The following TBK1 variants were observed in gnomAD, a reference collection of about 807,000 sequenced individuals.
TBK1 encodes TANK binding kinase 1, also known as serine/threonine-protein kinase TBK1.
TBK1 carries 37 observed loss-of-function variants against 99.9 expected under a neutral mutation model. That is an observed-to-expected ratio of 0.37 (90% CI 0.28 to 0.49). The LOEUF (loss-of-function observed/expected upper bound fraction) is 0.49. Ranked by LOEUF, TBK1 falls within the 20% of genes least tolerant of loss-of-function variation. The pLI, the probability that TBK1 is intolerant of heterozygous loss-of-function variation, is 0.98. For missense variants in TBK1, 644 were observed against 872.5 expected, an observed-to-expected ratio of 0.74 and a Z score of 3.30; for synonymous variants, 258 against 279.8, an observed-to-expected ratio of 0.92 and a Z score of 0.78.
rs1181070005 is a variant in TBK1 at position 64,498,101 on chromosome 12, C to T, written c.2138+62C>T. ...GCAATTGAGTTCATTCACATCTGTA[C>T]TTATATCTTCCTGTATCAATAGATT... is the stretch of plus-strand genomic sequence containing the variant. On this transcript the variant is annotated intron_variant, in intron 20 of 20. Transcript: ENST00000331710. 13 of 1,341,940 alleles carry T rather than the reference C, an allele frequency of 9.7e-6. No homozygotes were observed. The Admixed American group carries it at 2.7e-4, about 27-fold the overall frequency. 83.1% of individuals were successfully genotyped at this position (1,341,940 alleles called of 1,614,324 possible).
At chr12:64,467,635 T>C (rs1489155948) in intron 5 of TBK1, among the ~76,000 whole-genome samples, 1 of 152,218 alleles carries the variant, frequency 6.6e-6, no homozygotes, top group Non-Finnish European at 1.5e-5. Flanking sequence ...TAAATACTTT[T>C]AACATGTAAT....
chr12:64,469,411 G>A (rs79136929), intron 5 of TBK1, among the ~76,000 whole-genome samples: 3,627 of 152,020 alleles, frequency 0.024, 62 homozygotes, highest in Non-Finnish European at 0.036. Context: ...TTGTGCTTTT[G>A]CTATTATCCT....
At chr12:64,455,054 T>C (rs535581000) in intron 1 of TBK1, among the ~76,000 whole-genome samples, 1 of 151,018 alleles carries the variant, frequency 6.6e-6, no homozygotes, top group East Asian at 1.9e-4. Flanking sequence ...GTGGCACGAT[T>C]TCAGCTCACT....
At chr12:64,495,946 ATCCTT>A in intron 15 of TBK1, 171 bp downstream of exon 15, 1 of 553,820 alleles carries the variant, frequency 1.8e-6, no homozygotes, top group Non-Finnish European at 3.1e-6. Context: ...AAAAAAAACT[ATCCTT>A]AAAATCAACC....
At chr12:64,483,132 A>T (rs925913886) in intron 8 of TBK1, among the ~76,000 whole-genome samples, 15 of 152,226 alleles carry the variant, frequency 9.9e-5, no homozygotes, top group Non-Finnish European at 1.9e-4. Flanking sequence ...TGTACATTTT[A>T]AAATAGCTAA....
In TBK1 at chr12:64,501,689, TA is replaced by T. The variant is rs1174899961; in HGVS notation, c.*309del. 8.5e-6 allele frequency: 2 copies of T among 235,076 alleles called. No individual in the cohort carries two copies. Among genetic ancestry groups the T allele is most frequent in the African/African-American group, 2.3e-5 (1 of 43,874 alleles). The allele number at this position is 235,076 out of a possible 1,614,324, so 14.6% of individuals were successfully genotyped here. A position where few individuals can be genotyped will look rare whatever the true frequency, so the allele number is the denominator to read the frequency against. ...CTACTCTGAGTGGGGCTAAATAAGT[TA>T]TTTTCTCTGACCGCCTACTGGAAAT... On this transcript the variant is annotated 3_prime_UTR_variant, in exon 21 of 21. Transcript: ENST00000331710.
intron 1 of TBK1, among the ~76,000 whole-genome samples, chr12:64,454,610 A>T (rs1253916685): frequency 6.7e-6 from 1 of 150,338 alleles, no homozygotes; most frequent in South Asian, 2.1e-4. Flanking sequence ...GTCATTGGTT[A>T]ATGTTTTTTT....
intron 8 of TBK1, 29 bp downstream of exon 8, chr12:64,482,050 A>G: frequency 7.1e-7 from 1 of 1,401,592 alleles, no homozygotes; most frequent in Non-Finnish European, 9.5e-7. Context: ...TTCTTGTATC[A>G]ACATGTTCTG....
rs931538116 is a variant in TBK1 at position 64,481,749 on chromosome 12, G to A, written c.813-93G>A. On this transcript the variant is annotated intron_variant, in intron 7 of 20. Coordinates refer to ENST00000331710, the MANE Select transcript of TBK1 (RefSeq NM_013254.4). ...TTAATCTAATATAGTAATAATGACA[G>A]TTCCTTTGATTTGCTGGTAAATACT... 7.7e-6 allele frequency: 7 copies of A among 908,132 alleles called. No homozygotes were observed. In the African/African-American group the frequency reaches 1.2e-4, roughly 16 times the overall value. The allele number at this position is 908,132 out of a possible 1,614,324, so 56.3% of individuals were successfully genotyped here.
intron 13 of TBK1, among the ~76,000 whole-genome samples, chr12:64,490,780 C>T (rs147148595): frequency 2.6e-4 from 39 of 151,546 alleles, no homozygotes; most frequent in Non-Finnish European, 4.0e-4. Context: ...TCATTAGCTG[C>T]GTGTGGTGGT....
At chr12:64,485,387 C>G (rs2040809623) in intron 9 of TBK1, 68 bp from the exon 10 acceptor site, 1 of 698,502 alleles carries the variant, frequency 1.4e-6, no homozygotes, top group East Asian at 3.1e-5. Context: ...ATTGTGTTTG[C>G]TCTATAAAGG....
intron 2 of TBK1, among the ~76,000 whole-genome samples, chr12:64,459,731 A>G (rs909407231): frequency 5.3e-5 from 8 of 152,210 alleles, no homozygotes; most frequent in Non-Finnish European, 8.8e-5. Context: ...TTACTTTGAT[A>G]TTCTTAATAA....
intron 1 of TBK1, 46 bp from the exon 2 acceptor site, chr12:64,455,792 CTG>C (rs2040480642): frequency 3.2e-6 from 3 of 924,148 alleles, no homozygotes; most frequent in African/African-American, 1.7e-5. Flanking sequence ...TGTTTCTTAG[CTG>C]TGTTACTCCC....
chr12:64,496,548 A>G (rs1216647525), intron 16 of TBK1, 142 bp downstream of exon 16: 2 of 509,846 alleles, frequency 3.9e-6, no homozygotes, highest in East Asian at 8.0e-5. Flanking sequence ...TACAATATGT[A>G]GACATTTTTG....
chr12:64,460,784 AGATCGCACCACTGCACTCCAGCCTG>A (rs1448768423), intron 3 of TBK1, among the ~76,000 whole-genome samples: 14 of 149,504 alleles, frequency 9.4e-5, no homozygotes, highest in Non-Finnish European at 1.9e-4. Context: ...CAGTGAGCTG[AGATCGCACCACTGCACTCCAGCCTG>A]GCAACAGAGG....
At chr12:64,499,037 C>CTTTTTTTTTTTT (rs763709411) in intron 20 of TBK1, among the ~76,000 whole-genome samples, 1 of 79,254 alleles carries the variant, frequency 1.3e-5, no homozygotes, top group African/African-American at 4.8e-5. Context: ...TAATTTTATT[C>CTTTTTTTTTTTT]TTTTTTTTTT....
chr12:64,475,575 G>A (rs1024620752), intron 6 of TBK1, among the ~76,000 whole-genome samples: 2 of 152,148 alleles, frequency 1.3e-5, no homozygotes, highest in East Asian at 1.9e-4. Flanking sequence ...AGTTGTGAAC[G>A]CAAGATTTAG....
At chr12:64,465,735 C>G (rs539779069) in intron 4 of TBK1, among the ~76,000 whole-genome samples, 1 of 152,120 alleles carries the variant, frequency 6.6e-6, no homozygotes, top group Admixed American at 6.5e-5. Context: ...TAGGCAAATC[C>G]ATAGAGACAG....
chr12:64,474,945 T>C (rs1158469282), intron 6 of TBK1, among the ~76,000 whole-genome samples: 2 of 152,120 alleles, frequency 1.3e-5, no homozygotes, highest in Non-Finnish European at 2.9e-5. Context: ...AGTGAGACCC[T>C]GTCTCTATAA....
Sources: allele counts gnomAD v4.1 joint callset (sites outside exome capture counted in the v4.1 genomes callset), GRCh38; gene constraint gnomAD v4.1.1; transcripts MANE v1.5; gene names NCBI Gene and HGNC (gene_info 2026-07-23, HGNC 2026-07-21).